UNK: variants seen among roughly 807,000 people sequenced by gnomAD.
UNK encodes RING finger protein unkempt homolog.
Under a neutral mutation model 97.6 loss-of-function variants are expected in UNK, and 32 were observed. The ratio of observed to expected loss-of-function variants is 0.33; its 90% CI spans 0.25 to 0.44. The LOEUF is 0.44. Among genes scored for constraint, UNK ranks in the 20% least tolerant of loss-of-function variants. The pLI is 1.00. For missense variants in UNK, 771 were observed against 1,098.4 expected, an observed-to-expected ratio of 0.70 and a Z score of 4.21; for synonymous variants, 441 against 461.2, an observed-to-expected ratio of 0.96 and a Z score of 0.56.
intron 1 of UNK, among the ~76,000 whole-genome samples, chr17:75,807,262 C>G (rs529581224): frequency 5.9e-5 from 9 of 152,256 alleles, no homozygotes; most frequent in African/African-American, 2.2e-4. Flanking sequence ...TGGCGTATAC[C>G]TGCAATCCCA....
chr17:75,802,531 C>T (rs367751715), intron 1 of UNK, among the ~76,000 whole-genome samples: 2 of 152,002 alleles, frequency 1.3e-5, no homozygotes, highest in East Asian at 1.9e-4. Context: ...GCTGGGATTA[C>T]GGGGATGAGC....
intron 1 of UNK, 51 bp from the exon 2 acceptor site, chr17:75,809,709 G>T (rs1037152567): frequency 6.5e-7 from 1 of 1,546,486 alleles, no homozygotes; most frequent in African/African-American, 1.4e-5. Flanking sequence ...TGGGAAGCAA[G>T]AGACTTCATT....
chr17:75,818,280 G>C lies in UNK; in HGVS notation c.1371+112G>C. 8.1e-7 allele frequency: 1 copy of C among 1,235,326 alleles called. No homozygotes were observed. The highest frequency in any genetic ancestry group is 1.1e-6 in the Non-Finnish European group (1 of 875,542). 76.5% of individuals were successfully genotyped at this position (1,235,326 alleles called of 1,614,324 possible). On this transcript the variant is annotated intron_variant, in intron 10 of 15. Transcript: ENST00000589666. This position sits in a 1 kb window ranked among gnomAD's most constrained non-coding sequence, Gnocchi z 5.1. ...CACTTTTCCCAAAAGCTGAGGGCAGGACTAAAGTGGGGTCCCAGCCACAAA... is the reference window on the plus strand; with the variant it reads ...CACTTTTCCCAAAAGCTGAGGGCAGCACTAAAGTGGGGTCCCAGCCACAAA...
In UNK at chr17:75,816,099, C is replaced by A. The variant is rs1173774450; in HGVS notation, c.962-671C>A. 1.3e-5 allele frequency among the ~76,000 whole-genome samples: 2 copies of A among 152,174 alleles called. No homozygotes were observed. On this transcript the variant is annotated intron_variant, in intron 7 of 15. Coordinates refer to ENST00000589666, the MANE Select transcript of UNK (RefSeq NM_001080419.3). This position sits in a 1 kb window ranked among gnomAD's most constrained non-coding sequence, Gnocchi z 4.0. ...TACGGGATATTTCCATTCAGACCAG[C>A]CTGTTTCAGGGGCTCAGTAGCCACA...
intron 2 of UNK, 37 bp from the exon 3 acceptor site, chr17:75,812,075 G>A (rs1340795485): frequency 2.6e-6 from 4 of 1,550,080 alleles, no homozygotes; most frequent in Admixed American, 3.8e-5. Context: ...TAGGCTGCAG[G>A]CAGCAAAGTT....
chr17:75,811,033 A>G (rs944563438), intron 2 of UNK, among the ~76,000 whole-genome samples: 1 of 150,322 alleles, frequency 6.7e-6, no homozygotes, highest in African/African-American at 2.5e-5. Flanking sequence ...GCTCACTGCA[A>G]CCTCCACCTC....
intron 7 of UNK, 22 bp downstream of exon 7, chr17:75,815,275 G>C (rs763128562): frequency 1.2e-6 from 2 of 1,601,918 alleles, no homozygotes; most frequent in Non-Finnish European, 8.5e-7. Context: ...CCATTGCCCC[G>C]GGGCAGTGCC....
chr17:75,815,885 TAAAA>T (rs35955807), intron 7 of UNK, among the ~76,000 whole-genome samples: 5 of 119,140 alleles, frequency 4.2e-5, no homozygotes, highest in African/African-American at 6.2e-5. Flanking sequence ...GACTCTGTCT[TAAAA>T]AAAAAAAAAA....
intron 2 of UNK, among the ~76,000 whole-genome samples, chr17:75,811,517 C>T (rs555295833): frequency 1.4e-4 from 21 of 152,310 alleles, no homozygotes; most frequent in East Asian, 1.9e-4. Context: ...GCTTCTCTGA[C>T]GGCCCCCAAG....
chr17:75,787,030 A>G (rs1237456011), intron 1 of UNK, among the ~76,000 whole-genome samples: 2 of 152,074 alleles, frequency 1.3e-5, no homozygotes, highest in Admixed American at 6.6e-5. Context: ...GTTCATATGT[A>G]TGTGTGTTTT....
intron 6 of UNK, among the ~76,000 whole-genome samples, chr17:75,814,598 G>T (rs542091001): frequency 6.6e-6 from 1 of 151,082 alleles, no homozygotes; most frequent in East Asian, 1.9e-4. Flanking sequence ...CAGTTCCCTT[G>T]CCCTCTGGCC....
intron 1 of UNK, among the ~76,000 whole-genome samples, chr17:75,808,608 G>T (rs565359608): frequency 6.6e-6 from 1 of 152,136 alleles, no homozygotes; most frequent in South Asian, 2.1e-4. Context: ...CTGCATCCCA[G>T]CCTGGGTCGA....
intron 1 of UNK, among the ~76,000 whole-genome samples, chr17:75,802,564 T>C (rs1399531273): frequency 2.0e-5 from 3 of 152,130 alleles, no homozygotes; most frequent in Admixed American, 6.6e-5. Flanking sequence ...CTAGGAATAT[T>C]TCCTTACAGC....
chr17:75,813,268 C>A, intron 5 of UNK, 55 bp downstream of exon 5: 1 of 1,521,620 alleles, frequency 6.6e-7, no homozygotes, highest in South Asian at 1.2e-5. Context: ...GGGAAGGGGT[C>A]AGGCAGAGGC....
chr17:75,791,316 T>A (rs185675396), intron 1 of UNK, among the ~76,000 whole-genome samples: 10 of 152,368 alleles, frequency 6.6e-5, no homozygotes, highest in Admixed American at 4.6e-4. Flanking sequence ...TTTCAGGCAG[T>A]TTTGTCAGTT....
intron 1 of UNK, chr17:75,792,428 C>T (rs764120524): frequency 1.0e-5 from 10 of 985,368 alleles, no homozygotes; most frequent in Non-Finnish European, 1.2e-5. Context: ...CTTTTAACAT[C>T]TTGGATGAAT....
intron 1 of UNK, among the ~76,000 whole-genome samples, chr17:75,800,124 A>C (rs1261432627): frequency 6.6e-6 from 1 of 152,130 alleles, no homozygotes; most frequent in Non-Finnish European, 1.5e-5. Flanking sequence ...GCTGGAGTGC[A>C]GTGGCACAAT....
Position 75,818,956 on chromosome 17 carries a change from G to A in UNK, c.1546+140G>A. On this transcript the variant is annotated intron_variant, in intron 11 of 15. Coordinates refer to ENST00000589666, the MANE Select transcript of UNK (RefSeq NM_001080419.3). The surrounding 1 kb of genome is among the most constrained non-coding windows in gnomAD (Gnocchi z 5.1). ...GAAAATCAGGGGATGGGCACTCTGAGTCCTTTGAGCTAAAGGGGAAATGAC... is the reference window on the plus strand; with the variant it reads ...GAAAATCAGGGGATGGGCACTCTGAATCCTTTGAGCTAAAGGGGAAATGAC... 1 of 1,031,682 alleles carries A rather than the reference G, an allele frequency of 9.7e-7. No homozygotes were observed. The highest frequency in any genetic ancestry group is 3.3e-5 in the Admixed American group (1 of 30,538). 63.9% of individuals were successfully genotyped at this position (1,031,682 alleles called of 1,614,324 possible).
chr17:75,786,057 T>C (rs570592179), intron 1 of UNK, among the ~76,000 whole-genome samples: 2 of 152,210 alleles, frequency 1.3e-5, no homozygotes, highest in East Asian at 1.9e-4. Context: ...GAAACTGTTC[T>C]GGGGTTGGGG....
Sources: gnomAD v4.1 joint callset for allele counts (sites outside exome capture counted in the v4.1 genomes callset) on GRCh38, gnomAD v4.1.1 for gene constraint, Gnocchi (gnomAD v3.1) non-coding constraint, MANE v1.5 for transcripts, NCBI Gene and HGNC (gene_info 2026-07-23, HGNC 2026-07-21) for gene names.